The following NACC2 variants were observed in gnomAD, a reference collection of about 807,000 sequenced individuals.
NACC2 encodes nucleus accumbens-associated protein 2.
A neutral mutation model predicts 25.1 loss-of-function variants in NACC2; 8 were observed. That is an observed-to-expected ratio of 0.32 (90% CI 0.19 to 0.57). The LOEUF (loss-of-function observed/expected upper bound fraction) is 0.57, where lower values mean the gene tolerates loss of function less well. Ranked by LOEUF, NACC2 falls within the 20% of genes least tolerant of loss-of-function variation. The pLI, the probability that NACC2 is intolerant of heterozygous loss-of-function variation, is 0.89. For missense variants in NACC2, 644 were observed against 650.2 expected (o/e 0.99, Z 0.10); for synonymous variants, 435 against 294.7 (o/e 1.48, Z -4.88).
At chr9:136,079,688 G>A (rs1830301060) in intron 1 of NACC2, among the ~76,000 whole-genome samples, 1 of 152,212 alleles carries the variant, frequency 6.6e-6, no homozygotes, top group Admixed American at 6.5e-5. Flanking sequence ...TGCACTCCAG[G>A]GTCACCAGAG....
Position 136,050,067 on chromosome 9 carries a change from G to A in NACC2, c.455C>T (p.Ala152Val). The A allele has an allele frequency of 1.4e-6, 1 of 732,016 alleles. No homozygotes were observed. Among genetic ancestry groups the A allele is most frequent in the Non-Finnish European group, 2.5e-6 (1 of 400,358 alleles). The allele number at this position is 732,016 out of a possible 1,614,324, so 45.3% of individuals were successfully genotyped here. The part of the protein sequence containing the change: ...PQSPCNQLQP[A>V]AAAAAPYVVS... ...GACGTAGGGGGCCGCGGCGGCGGCG[G>A]CCGGCTGCAGCTGGTTGCAGGGGCT... is the stretch of plus-strand genomic sequence containing the variant. The change falls in exon 2 of 6, where the codon GCC (alanine) becomes GTC (valine). Residue 152 changes from alanine to valine, a missense_variant. Transcript: ENST00000277554.
At chr9:136,073,333 G>A (rs1830220624) in intron 1 of NACC2, among the ~76,000 whole-genome samples, 1 of 152,138 alleles carries the variant, frequency 6.6e-6, no homozygotes, top group Non-Finnish European at 1.5e-5. Context: ...GGGAGACTGA[G>A]GTGGGAGGAT....
rs960332877 is a variant in NACC2, at chr9:136,073,013, A to C, written c.-60+22176T>G. ...AAAAACTGATAAACTGGACTTTATC[A>C]AAATTTAAAAACTTTTGCTCAGCAC... is the stretch of plus-strand genomic sequence containing the variant. On this transcript the variant is annotated intron_variant, in intron 1 of 5. Transcript: ENST00000277554. Among the ~76,000 whole-genome samples, 3 of 152,248 alleles carry C rather than the reference A, an allele frequency of 2.0e-5. No individual in the cohort carries two copies. The East Asian group carries it at 5.8e-4, about 29-fold the overall frequency.
chr9:136,050,559 G>A lies in NACC2; in HGVS notation c.-38C>T, dbSNP rs2131162762. Reference sequence around the variant, plus strand: ...GCGGCGGGGCTGGGCTCTCAGCGCGGGGCGGCCCTAGCGGGGCTCATCTGT... The same window carrying A: ...GCGGCGGGGCTGGGCTCTCAGCGCGAGGCGGCCCTAGCGGGGCTCATCTGT... On this transcript the variant is annotated 5_prime_UTR_variant, in exon 2 of 6. Coordinates refer to ENST00000277554, the MANE Select transcript of NACC2 (RefSeq NM_144653.5). 5.4e-6 allele frequency: 4 copies of A among 741,710 alleles called. No homozygotes were observed. Among genetic ancestry groups the A allele is most frequent in the East Asian group, 2.5e-5 (1 of 39,716 alleles). The allele number at this position is 741,710 out of a possible 1,614,324, so 45.9% of individuals were successfully genotyped here.
intron 2 of NACC2, among the ~76,000 whole-genome samples, chr9:136,044,425 G>A (rs1840688586): frequency 6.6e-6 from 1 of 152,286 alleles, no homozygotes; most frequent in Admixed American, 6.5e-5. Flanking sequence ...CTGAGTTGCA[G>A]GGGTATTGGC....
intron 2 of NACC2, among the ~76,000 whole-genome samples, chr9:136,044,302 G>A (rs1840686876): frequency 6.6e-6 from 1 of 152,020 alleles, no homozygotes; most frequent in African/African-American, 2.4e-5. Flanking sequence ...GATTTCTTGA[G>A]CCCAGGAATT....
At chr9:136,088,535 C>T (rs1199358286) in intron 1 of NACC2, among the ~76,000 whole-genome samples, 1 of 152,142 alleles carries the variant, frequency 6.6e-6, no homozygotes, top group Non-Finnish European at 1.5e-5. Context: ...GACTCTTTCT[C>T]GGGGGCACTT....
intron 1 of NACC2, among the ~76,000 whole-genome samples, chr9:136,083,575 C>T (rs865927114): frequency 3.9e-5 from 6 of 152,348 alleles, no homozygotes; most frequent in East Asian, 1.9e-4. Context: ...GAAGGGAAAA[C>T]GCGGACACCT....
At chr9:136,077,155 G>A (rs866730262) in intron 1 of NACC2, among the ~76,000 whole-genome samples, 15 of 150,074 alleles carry the variant, frequency 1.0e-4, no homozygotes, top group Middle Eastern at 3.5e-3. Context: ...CTCCAGCCTG[G>A]GTGACAGAGA....
At position 136,086,084 on chromosome 9, in the gene NACC2, C is replaced by A. The variant is rs1830376397; in HGVS notation, c.-60+9105G>T. On this transcript the variant is annotated intron_variant, in intron 1 of 5. Transcript: ENST00000277554. This position sits in a 1 kb window ranked among gnomAD's most constrained non-coding sequence, Gnocchi z 5.6. ...GCAGGGCAGCTCCGACGGGCAGGAG[C>A]CGCCTCCAGGCCCTTCACCTCGGGC... Among the ~76,000 whole-genome samples, 1 of 152,228 alleles carries A rather than the reference C, an allele frequency of 6.6e-6. No individual in the cohort carries two copies. The highest frequency in any genetic ancestry group is 6.5e-5 in the Admixed American group (1 of 15,292).
rs566706635 is a variant in NACC2 at position 136,078,652 on chromosome 9, G to A, written c.-60+16537C>T. The stretch of plus-strand genomic sequence containing the variant: ...GAGGGGCCAGCCCAGCCCCGACATC[G>A]GGACAGAAAGGGGCGTGGGAATGGC... On this transcript the variant is annotated intron_variant, in intron 1 of 5. Transcript: ENST00000277554. 3.3e-5 allele frequency among the ~76,000 whole-genome samples: 5 copies of A among 152,314 alleles called. 1 individual carries two copies. In the South Asian group the frequency reaches 8.3e-4, roughly 25 times the overall value.
intron 2 of NACC2, among the ~76,000 whole-genome samples, chr9:136,045,065 G>C (rs535337936): frequency 3.2e-4 from 49 of 152,354 alleles, no homozygotes; most frequent in African/African-American, 1.0e-3. Flanking sequence ...TCCAGGATGT[G>C]GGCAGCTGGT....
chr9:136,013,033 A>T lies in NACC2; in HGVS notation c.1255+166T>A, dbSNP rs1177175931. ...AACACCTCGAGACCTGGCTTCTGAG[A>T]GCTGCTCTTTTCTCCTCATCTTCCC... On this transcript the variant is annotated intron_variant, in intron 5 of 5. Coordinates refer to ENST00000277554, the MANE Select transcript of NACC2 (RefSeq NM_144653.5). The surrounding 1 kb of genome is among the most constrained non-coding windows in gnomAD (Gnocchi z 6.6). 6.6e-6 allele frequency among the ~76,000 whole-genome samples: 1 copy of T among 152,242 alleles called. No homozygotes were observed. The highest frequency in any genetic ancestry group is 1.5e-5 in the Non-Finnish European group (1 of 68,038).
Position 136,012,035 on chromosome 9 carries a change from G to C in NACC2, c.1256-11C>G, listed in dbSNP as rs763001327. The C allele has an allele frequency of 2.6e-5, 40 of 1,526,950 alleles. No homozygotes were observed. The highest frequency in any genetic ancestry group is 2.6e-5 in the Non-Finnish European group (30 of 1,136,724). The allele number at this position is 1,526,950 out of a possible 1,614,324, so 94.6% of individuals were successfully genotyped here. Reference sequence around the variant, plus strand: ...AGTTCTGACAGTACACTGTGAGGACGGGGCGGCGTGAGCTCAGCCACCTGC... The same window carrying C: ...AGTTCTGACAGTACACTGTGAGGACCGGGCGGCGTGAGCTCAGCCACCTGC... On this transcript the variant is annotated splice_polypyrimidine_tract_variant and intron_variant, in intron 5 of 5. Coordinates refer to ENST00000277554, the MANE Select transcript of NACC2 (RefSeq NM_144653.5).
chr9:136,038,820 A>G (rs1840591161), intron 2 of NACC2, among the ~76,000 whole-genome samples: 2 of 152,272 alleles, frequency 1.3e-5, no homozygotes, highest in South Asian at 4.1e-4. Context: ...GAGAGATGCT[A>G]CCGTGCGGTC....
At chr9:136,057,374 G>A (rs1318377892) in intron 1 of NACC2, among the ~76,000 whole-genome samples, 1 of 152,172 alleles carries the variant, frequency 6.6e-6, no homozygotes, top group Non-Finnish European at 1.5e-5. Context: ...GAAGGGTGGG[G>A]AGGGACAGCT....
At chr9:136,066,198 AAAAAAAAGAAAG>A (rs375254993) in intron 1 of NACC2, among the ~76,000 whole-genome samples, 9,659 of 141,242 alleles carry the variant, frequency 0.068, 468 homozygotes, top group Non-Finnish European at 0.11. Flanking sequence ...ATCTCAAAAA[AAAAAAAAGAAAG>A]AAAGAAAAAG....
intron 1 of NACC2, among the ~76,000 whole-genome samples, chr9:136,081,095 G>A (rs55705101): frequency 0.015 from 2,284 of 152,200 alleles, 56 homozygotes; most frequent in African/African-American, 0.052. Flanking sequence ...AGAAACGCGC[G>A]TTTCCCATAT....
At chr9:136,042,667 CACAG>C (rs1315190947) in intron 2 of NACC2, among the ~76,000 whole-genome samples, 41 of 151,588 alleles carry the variant, frequency 2.7e-4, no homozygotes, top group African/African-American at 6.6e-4. Context: ...CAGAAACACA[CACAG>C]ACACACAGAC....
Sources: allele counts gnomAD v4.1 joint callset (sites outside exome capture counted in the v4.1 genomes callset), GRCh38; gene constraint gnomAD v4.1.1; non-coding constraint Gnocchi (gnomAD v3.1); transcripts MANE v1.5; gene names NCBI Gene and HGNC (gene_info 2026-07-23, HGNC 2026-07-21).